The following CNKSR2 variants were observed in gnomAD, a reference collection of about 807,000 sequenced individuals.
CNKSR2 encodes connector enhancer of kinase suppressor of Ras 2, also known as CNK homolog protein 2.
In CNKSR2, 14 loss-of-function variants were observed where a neutral mutation model predicts 84.4. The ratio of observed to expected loss-of-function variants is 0.17; its 90% CI spans 0.11 to 0.26. CNKSR2 has a LOEUF of 0.26. Among genes scored for constraint, CNKSR2 ranks in the 10% least tolerant of loss-of-function variants. The probability of loss-of-function intolerance (pLI) is 1.00; values close to 1 mark genes in which losing one functional copy is unlikely to be tolerated. For synonymous variants in CNKSR2, 275 were observed against 277.9 expected (o/e 0.99, Z 0.10); for missense variants, 485 against 771.2 (o/e 0.63, Z 4.40).
chrX:21,391,287 C>T (rs933392757), intron 1 of CNKSR2, among the ~76,000 whole-genome samples: 4 of 112,800 alleles, frequency 3.5e-5, no homozygotes, highest in African/African-American at 9.7e-5. Flanking sequence ...ATTTCCCCCC[C>T]ACATTGCCCT....
intron 1 of CNKSR2, among the ~76,000 whole-genome samples, chrX:21,388,529 G>A (rs1237994224): frequency 1.8e-5 from 2 of 111,889 alleles, no homozygotes; most frequent in Non-Finnish European, 3.8e-5. Flanking sequence ...ACAATGATGA[G>A]GGCATGTAAA....
chrX:21,553,916 G>A (rs1220527184), intron 11 of CNKSR2, among the ~76,000 whole-genome samples: 1 of 111,475 alleles, frequency 9.0e-6, no homozygotes, highest in Non-Finnish European at 1.9e-5. Flanking sequence ...AAGTATTTTA[G>A]CCTAGCTCAT....
At chrX:21,604,329 G>C (rs2092503098) in intron 18 of CNKSR2, among the ~76,000 whole-genome samples, 1 of 110,650 alleles carries the variant, frequency 9.0e-6, no homozygotes, top group Non-Finnish European at 1.9e-5. Context: ...AGTGGGGGGA[G>C]GGGGAAGGGA....
intron 13 of CNKSR2, among the ~76,000 whole-genome samples, chrX:21,588,329 T>C (rs1423383661): frequency 8.9e-6 from 1 of 112,210 alleles, no homozygotes; most frequent in African/African-American, 3.2e-5. Context: ...GATGGCAACC[T>C]CAGGCCTGCT....
chrX:21,649,942 T>A (rs1052906751), intron 21 of CNKSR2, among the ~76,000 whole-genome samples: 3 of 111,761 alleles, frequency 2.7e-5, no homozygotes, highest in African/African-American at 6.5e-5. Flanking sequence ...CTGGAGAGGA[T>A]GTGGAGAAAT....
At chrX:21,450,413 G>A (rs997085426) in intron 4 of CNKSR2, among the ~76,000 whole-genome samples, 15 of 110,927 alleles carry the variant, frequency 1.4e-4, no homozygotes, top group African/African-American at 4.9e-4. Context: ...CATAACTGGC[G>A]CTTTTTCAAA....
intron 8 of CNKSR2, among the ~76,000 whole-genome samples, chrX:21,510,632 G>A (rs1174488108): frequency 9.0e-6 from 1 of 111,263 alleles, no homozygotes; most frequent in Non-Finnish European, 1.9e-5. Flanking sequence ...TCCAGGACCT[G>A]CCCACTTATG....
intron 3 of CNKSR2, among the ~76,000 whole-genome samples, chrX:21,435,738 AC>A (rs1289093008): frequency 5.4e-5 from 6 of 112,075 alleles, no homozygotes; most frequent in Non-Finnish European, 1.1e-4. Flanking sequence ...ACAGATCACT[AC>A]AAGTGTTACG....
In CNKSR2 at chrX:21,389,721, A is replaced by G. The variant is rs187246507; in HGVS notation, c.64+14760A>G. On this transcript the variant is annotated intron_variant, in intron 1 of 21. Transcript: ENST00000379510. ...TACTCATAATTCTCAAAATGCTCCC[A>G]GGAAACAATATTGGCCCTGGCCTGG... 2.7e-3 allele frequency among the ~76,000 whole-genome samples: 302 copies of G among 112,439 alleles called. 1 individual carries two copies. Among genetic ancestry groups the G allele is most frequent in the South Asian group, 0.019 (51 of 2,706 alleles).
intron 4 of CNKSR2, among the ~76,000 whole-genome samples, chrX:21,445,490 A>G (rs1458724147): frequency 1.8e-5 from 2 of 110,631 alleles, no homozygotes; most frequent in African/African-American, 6.6e-5. Flanking sequence ...AAAATATGCA[A>G]TAAATTATTG....
At chrX:21,572,714 G>T (rs944890011) in intron 13 of CNKSR2, among the ~76,000 whole-genome samples, 3 of 111,428 alleles carry the variant, frequency 2.7e-5, no homozygotes, top group Admixed American at 1.9e-4. Context: ...GGAGGTAACT[G>T]CTGCCATGAT....
intron 20 of CNKSR2, among the ~76,000 whole-genome samples, chrX:21,627,214 C>T (rs1245463228): frequency 9.0e-6 from 1 of 110,890 alleles, no homozygotes; most frequent in African/African-American, 3.3e-5. Flanking sequence ...TACATAAGGC[C>T]GGGCGCGGTG....
At chrX:21,640,971 G>A (rs2092689819) in intron 20 of CNKSR2, among the ~76,000 whole-genome samples, 2 of 111,516 alleles carry the variant, frequency 1.8e-5, no homozygotes, top group Non-Finnish European at 3.8e-5. Flanking sequence ...TGTTAAGCAT[G>A]CGGCCTCCTC....
intron 1 of CNKSR2, among the ~76,000 whole-genome samples, chrX:21,419,719 T>C (rs1362012511): frequency 8.9e-6 from 1 of 111,981 alleles, no homozygotes; most frequent in Non-Finnish European, 1.9e-5. Context: ...GAGACTTTTG[T>C]TCTCTTCCCT....
At chrX:21,490,632 T>A in intron 6 of CNKSR2, 54 bp downstream of exon 6, 1 of 1,122,979 alleles carries the variant, frequency 8.9e-7, no homozygotes, top group Non-Finnish European at 1.2e-6. Flanking sequence ...GAGCTAATGA[T>A]GTGGACAAAG....
At chrX:21,432,533 T>A in intron 2 of CNKSR2, 79 bp from the exon 3 acceptor site, 1 of 720,937 alleles carries the variant, frequency 1.4e-6, no homozygotes, top group Non-Finnish European at 2.1e-6. Flanking sequence ...TGCCTGTGCA[T>A]AATAAAGTAT....
At chrX:21,435,208 A>G (rs1382120455) in intron 3 of CNKSR2, among the ~76,000 whole-genome samples, 1 of 110,458 alleles carries the variant, frequency 9.1e-6, no homozygotes, top group East Asian at 2.8e-4. Context: ...CATTTATAGA[A>G]AATGTTTATT....
At chrX:21,388,320 AAAC>A (rs2090000755) in intron 1 of CNKSR2, among the ~76,000 whole-genome samples, 1 of 112,571 alleles carries the variant, frequency 8.9e-6, no homozygotes, top group African/African-American at 3.2e-5. Flanking sequence ...AGTGAAGTAA[AAAC>A]AAATATTAGG....
At chrX:21,506,673 A>G (rs938801124) in intron 8 of CNKSR2, 10 of 111,442 alleles carry the variant, frequency 9.0e-5, no homozygotes, top group African/African-American at 3.2e-4. Flanking sequence ...TAACCAATTT[A>G]TTTTCTCTGC....
Sources: gnomAD v4.1 joint callset for allele counts (sites outside exome capture counted in the v4.1 genomes callset) on GRCh38, gnomAD v4.1.1 for gene constraint, MANE v1.5 for transcripts, NCBI Gene and HGNC (gene_info 2026-07-23, HGNC 2026-07-21) for gene names.